ZNF217: variants seen among roughly 807,000 people sequenced by gnomAD.
ZNF217 encodes zinc finger protein 217.
In ZNF217, 12 loss-of-function variants were observed where a neutral mutation model predicts 73.3. That is an observed-to-expected ratio of 0.16 (90% CI 0.10 to 0.27). ZNF217 has a LOEUF of 0.27. Ranked by LOEUF, ZNF217 falls within the 10% of genes least tolerant of loss-of-function variation. The pLI is 1.00. For synonymous variants in ZNF217, 588 were observed against 516.4 expected (o/e 1.14, Z -1.88); for missense variants, 1,195 against 1,327.8 (o/e 0.90, Z 1.55).
intron 1 of ZNF217, among the ~76,000 whole-genome samples, chr20:53,590,053 C>G (rs1298320635): frequency 6.6e-6 from 1 of 151,994 alleles, no homozygotes; most frequent in African/African-American, 2.4e-5. Context: ...GGTAGCTGTT[C>G]TGTAAATACC....
rs755329132 is a variant in ZNF217, at chr20:53,581,936, C to T, written c.891G>A (p.Gln297=). ...IPQLDPFTTF[Q]AWQLATKGKV... The stretch of plus-strand genomic sequence containing the variant: ...TTCCTTTGGTAGCCAGCTGCCAAGC[C>T]TGGAAGGTGGTGAACGGATCGAGCT... Residue 297 remains glutamine, a synonymous_variant, in exon 2 of 6, where the codon CAG becomes CAA. Transcript: ENST00000371471. The surrounding 1 kb of genome is among the most constrained non-coding windows in gnomAD (Gnocchi z 4.9). 11 of 1,614,214 alleles carry T rather than the reference C, an allele frequency of 6.8e-6. No individual in the cohort carries two copies. The highest frequency in any genetic ancestry group is 8.5e-6 in the Non-Finnish European group (10 of 1,180,046).
In ZNF217 at chr20:53,583,011, A is replaced by C; in HGVS notation, c.-185T>G. 1.7e-6 allele frequency: 1 copy of C among 579,148 alleles called. No homozygotes were observed. 35.9% of individuals were successfully genotyped at this position (579,148 alleles called of 1,614,324 possible). Reference sequence around the variant, plus strand: ...TTTTAGGAAGCTCAGTGATGGTGTCACTGGTTCTTTCCACAAACAAGGCAT... The same window carrying C: ...TTTTAGGAAGCTCAGTGATGGTGTCCCTGGTTCTTTCCACAAACAAGGCAT... On this transcript the variant is annotated 5_prime_UTR_variant, in exon 2 of 6. The change abolishes the stop of an existing upstream ORF in the 5' untranslated region. Transcript: ENST00000371471.
At chr20:53,592,874 G>A (rs1988930896) in intron 1 of ZNF217, among the ~76,000 whole-genome samples, 1 of 150,338 alleles carries the variant, frequency 6.7e-6, no homozygotes, top group South Asian at 2.1e-4. Flanking sequence ...AAAAGCAGCA[G>A]CACTTTTGGG....
intron 4 of ZNF217, 84 bp downstream of exon 4, chr20:53,575,643 T>C (rs1988223900): frequency 1.5e-6 from 2 of 1,327,338 alleles, no homozygotes; most frequent in Non-Finnish European, 1.0e-6. Context: ...CCCTTGGGAG[T>C]GGTACCATCT....
chr20:53,597,681 A>C (rs1989065451), upstream of ZNF217: 1 of 151,764 alleles, frequency 6.6e-6, no homozygotes, highest in Admixed American at 6.6e-5. Context: ...GTAGGACTTC[A>C]CTCTACCTGG....
intron 3 of ZNF217, among the ~76,000 whole-genome samples, chr20:53,578,085 CGAGGTGACAGAGCAAGACT>C (rs1437836551): frequency 5.1e-4 from 78 of 151,786 alleles, no homozygotes; most frequent in Admixed American, 3.3e-3. Context: ...GCACTCCAGC[CGAGGTGACAGAGCAAGACT>C]CCGTCTCAAA....
At position 53,580,332 on chromosome 20, in the gene ZNF217, G is replaced by A. The variant is rs1988439263; in HGVS notation, c.1366+1129C>T. On this transcript the variant is annotated intron_variant, in intron 2 of 5. Coordinates refer to ENST00000371471, the MANE Select transcript of ZNF217 (RefSeq NM_006526.3). ...GAAGAATTCAAGCACACAATCAAGT[G>A]ACACTGAGAGGAGGAGGCACTTGTT... is the stretch of plus-strand genomic sequence containing the variant. 2.6e-5 allele frequency among the ~76,000 whole-genome samples: 4 copies of A among 152,174 alleles called. No individual in the cohort carries two copies. The South Asian group carries it at 8.3e-4, about 32-fold the overall frequency.
At chr20:53,571,888 T>A (rs752274689) in intron 4 of ZNF217, 35 bp from the exon 5 acceptor site, 1 of 1,578,150 alleles carries the variant, frequency 6.3e-7, no homozygotes, top group South Asian at 1.2e-5. Flanking sequence ...AGAGTTAAGG[T>A]CAAACAATTA....
At chr20:53,572,263 G>T (rs530134713) in intron 4 of ZNF217, among the ~76,000 whole-genome samples, 2 of 152,106 alleles carry the variant, frequency 1.3e-5, no homozygotes, top group South Asian at 4.2e-4. Context: ...AAATTAGCTG[G>T]GTATGGTGAC....
Position 53,581,462 on chromosome 20 carries a change from C to T in ZNF217, c.1365G>A (p.Leu455=). The T allele has an allele frequency of 3.7e-6, 6 of 1,605,086 alleles. No individual in the cohort carries two copies. The highest frequency in any genetic ancestry group is 5.1e-6 in the Non-Finnish European group (6 of 1,173,902). The change falls in exon 2 of 6, where the codon CTG becomes CTA. Residue 455 remains leucine (L), a splice_region_variant and synonymous_variant. Coordinates refer to ENST00000371471, the MANE Select transcript of ZNF217 (RefSeq NM_006526.3). The surrounding 1 kb of genome is among the most constrained non-coding windows in gnomAD (Gnocchi z 4.9). ...CGGGACGGAGACAGGGCAGCTTACCCAGATGGATTCCTTCGGGAAGCCCAT... is the reference window on the plus strand; with the variant it reads ...CGGGACGGAGACAGGGCAGCTTACCTAGATGGATTCCTTCGGGAAGCCCAT... The part of the protein sequence containing the change: ...SEDGLPEGIH[L]DKNDDGGKIK...
chr20:53,574,069 C>CA (rs527884370), intron 4 of ZNF217, among the ~76,000 whole-genome samples: 5,282 of 120,998 alleles, frequency 0.044, 215 homozygotes, highest in East Asian at 0.18. Context: ...GACTCCATCT[C>CA]AAAAAAAAAA....
upstream of ZNF217, among the ~76,000 whole-genome samples, chr20:53,597,096 A>G (rs1432654889): frequency 2.0e-5 from 3 of 150,780 alleles, no homozygotes; most frequent in Non-Finnish European, 3.0e-5. Context: ...AAAAAAAAAA[A>G]GAAAAAAAAA....
In ZNF217 at chr20:53,583,087, TTC is replaced by T. The variant is rs1389750722; in HGVS notation, c.-263_-262del. The T allele has an allele frequency of 4.6e-6, 2 of 438,832 alleles. No individual in the cohort carries two copies. The highest frequency in any genetic ancestry group is 6.7e-5 in the East Asian group (2 of 29,962). 27.2% of individuals were successfully genotyped at this position (438,832 alleles called of 1,614,324 possible). ...AATATGAATCAGCACAAAGCATTAG[TTC>T]TCTTTGTCTCCATTGAATGAGTGTT... On this transcript the variant is annotated 5_prime_UTR_variant, in exon 2 of 6. An upstream open reading frame in the 5' UTR gains an earlier in-frame stop. Transcript: ENST00000371471.
At chr20:53,588,092 A>G (rs978128134) in intron 1 of ZNF217, among the ~76,000 whole-genome samples, 4 of 152,140 alleles carry the variant, frequency 2.6e-5, no homozygotes, top group African/African-American at 9.6e-5. Flanking sequence ...TAAAGGAAAT[A>G]ATTTCATTTT....
chr20:53,580,590 A>G (rs974734058), intron 2 of ZNF217, among the ~76,000 whole-genome samples: 5 of 152,240 alleles, frequency 3.3e-5, no homozygotes, highest in South Asian at 4.1e-4. Context: ...ACCAGGGCTC[A>G]GGAATATTAT....
rs768714472 is a variant in ZNF217 at position 53,575,756 on chromosome 20, C to A, written c.3008G>T (p.Gly1003Val). The change falls in exon 4 of 6, where the codon GGT (glycine) becomes GTT (valine). Residue 1003 changes from glycine to valine, a missense_variant. Around this residue, in one of 9 missense-constraint regions of ZNF217, gnomAD observed 649 missense variants for 642.8 expected, o/e 1.01. Coordinates refer to ENST00000371471, the MANE Select transcript of ZNF217 (RefSeq NM_006526.3). Reference protein sequence around the residue: ...SGPLYTCVPAGSPASSSTLEG... With the variant: ...SGPLYTCVPAVSPASSSTLEG... ...TAACGTCGAGCTGGATGCTGGACTA[C>A]CAGCAGGCACACAAGTGTAAAGTGG... 22 of 1,596,260 alleles carry A rather than the reference C, an allele frequency of 1.4e-5. No individual in the cohort carries two copies. Among genetic ancestry groups the A allele is most frequent in the Middle Eastern group, 1.7e-4 (1 of 5,972 alleles).
intron 5 of ZNF217, among the ~76,000 whole-genome samples, chr20:53,569,559 A>G (rs992884398): frequency 1.3e-5 from 2 of 151,900 alleles, no homozygotes; most frequent in African/African-American, 4.8e-5. Flanking sequence ...ATTTTTTTGT[A>G]TTTTTAGTAG....
chr20:53,574,631 C>G (rs918726621), intron 4 of ZNF217: 5 of 151,998 alleles, frequency 3.3e-5, no homozygotes, highest in African/African-American at 1.2e-4. Flanking sequence ...CCTGTCTCTA[C>G]TAAAAATACA....
intron 1 of ZNF217, among the ~76,000 whole-genome samples, chr20:53,585,195 T>C (rs566134033): frequency 1.1e-4 from 16 of 151,956 alleles, no homozygotes; most frequent in Non-Finnish European, 1.9e-4. Context: ...AACTGTAATT[T>C]TGGGGAACTC....
Sources: gnomAD v4.1 joint callset for allele counts (sites outside exome capture counted in the v4.1 genomes callset) on GRCh38, gnomAD v4.1.1 for gene constraint, gnomAD v4.1.1 regional missense constraint, Gnocchi (gnomAD v3.1) non-coding constraint, MANE v1.5 for transcripts, NCBI Gene and HGNC (gene_info 2026-07-23, HGNC 2026-07-21) for gene names.